The following ARMC9 variants were observed in gnomAD, a reference collection of about 807,000 sequenced individuals.
ARMC9 encodes the protein armadillo repeat containing 9.
Under a neutral mutation model 107.0 loss-of-function variants are expected in ARMC9, and 94 were observed. The ratio of observed to expected loss-of-function variants is 0.88; its 90% CI spans 0.74 to 1.04. ARMC9 has a LOEUF of 1.04. Among genes scored for constraint, ARMC9 ranks in the 50% least tolerant of loss-of-function variants. The probability of loss-of-function intolerance (pLI) is 0.00; values close to 1 mark genes in which losing one functional copy is unlikely to be tolerated. For synonymous variants in ARMC9, 380 were observed against 396.9 expected, an observed-to-expected ratio of 0.96 and a Z score of 0.51; for missense variants, 942 against 1,030.1, an observed-to-expected ratio of 0.91 and a Z score of 1.17.
chr2:231,306,345 T>C (rs2125503063), intron 19 of ARMC9, among the ~76,000 whole-genome samples: 1 of 152,344 alleles, frequency 6.6e-6, no homozygotes, highest in South Asian at 2.1e-4. Flanking sequence ...AAATACCTGA[T>C]ACATAAAGAC....
At chr2:231,301,799 T>G (rs1222030735) in intron 19 of ARMC9, among the ~76,000 whole-genome samples, 1 of 152,084 alleles carries the variant, frequency 6.6e-6, no homozygotes, top group Non-Finnish European at 1.5e-5. Flanking sequence ...GCCAACATGG[T>G]GAAACCCTGT....
At chr2:231,337,476 T>C (rs373487913) in intron 20 of ARMC9, among the ~76,000 whole-genome samples, 2 of 130,512 alleles carry the variant, frequency 1.5e-5, no homozygotes, top group South Asian at 4.7e-4. Context: ...TTTGTTTTTT[T>C]TTTTTTTTTT....
At chr2:231,221,846 A>AAAAG (rs2034166781) in intron 5 of ARMC9, among the ~76,000 whole-genome samples, 1 of 150,834 alleles carries the variant, frequency 6.6e-6, no homozygotes, top group Non-Finnish European at 1.5e-5. Context: ...AAAAAAAAAA[A>AAAAG]AAGAACTTTC....
chr2:231,346,413 C>T (rs941950492), intron 21 of ARMC9, among the ~76,000 whole-genome samples: 2 of 152,006 alleles, frequency 1.3e-5, no homozygotes, highest in South Asian at 2.1e-4. Flanking sequence ...CCCAGCTACT[C>T]GGGAGGCTGA....
At chr2:231,354,561 T>C (rs1226663491) in intron 21 of ARMC9, among the ~76,000 whole-genome samples, 1 of 152,096 alleles carries the variant, frequency 6.6e-6, no homozygotes, top group East Asian at 1.9e-4. Context: ...TTTATATTTT[T>C]AGTAGAGACG....
rs141082324 is a variant in ARMC9, at chr2:231,335,553, G to A, written c.1878+3656G>A. 4.5e-3 allele frequency among the ~76,000 whole-genome samples: 688 copies of A among 152,318 alleles called. 5 individuals are homozygous for A. Among genetic ancestry groups the A allele is most frequent in the African/African-American group, 0.016 (648 of 41,570 alleles). The stretch of plus-strand genomic sequence containing the variant: ...GCTATGCAAAATGCTGAAGAGCACG[G>A]CGATCTCAGAAAGCTAGGGACAGAG... On this transcript the variant is annotated intron_variant, in intron 20 of 24. Transcript: ENST00000611582.
intron 19 of ARMC9, among the ~76,000 whole-genome samples, chr2:231,304,102 C>T (rs1321688908): frequency 2.0e-5 from 3 of 150,776 alleles, no homozygotes; most frequent in Non-Finnish European, 4.4e-5. Context: ...TGGTGGCGCA[C>T]GCCTGTAGTC....
chr2:231,207,941 G>A (rs890564803), intron 2 of ARMC9, among the ~76,000 whole-genome samples, 186 bp from the exon 3 acceptor site: 1 of 152,126 alleles, frequency 6.6e-6, no homozygotes, highest in African/African-American at 2.4e-5. Context: ...CAGGTGTGAG[G>A]TAATTAGGTC....
chr2:231,202,086 A>G (rs1574819476), intron 1 of ARMC9, among the ~76,000 whole-genome samples: 2 of 147,106 alleles, frequency 1.4e-5, no homozygotes, highest in Non-Finnish European at 3.0e-5. Flanking sequence ...TGCAACCTCC[A>G]CTTCCTGGGT....
intron 17 of ARMC9, among the ~76,000 whole-genome samples, chr2:231,284,290 GT>G (rs2040427261): frequency 6.6e-6 from 1 of 152,184 alleles, no homozygotes; most frequent in Non-Finnish European, 1.5e-5. Flanking sequence ...ATCTAGGTTT[GT>G]CACTTACTCT....
intron 9 of ARMC9, 187 bp from the exon 10 acceptor site, chr2:231,256,399 A>G (rs1349611471): frequency 4.1e-6 from 5 of 1,212,970 alleles, no homozygotes; most frequent in Non-Finnish European, 5.9e-6. Flanking sequence ...TTTGTCCGCC[A>G]CACGGAATTG....
intron 19 of ARMC9, among the ~76,000 whole-genome samples, chr2:231,302,473 T>G (rs1293957903): frequency 1.4e-5 from 2 of 144,404 alleles, no homozygotes; most frequent in Admixed American, 6.9e-5. Flanking sequence ...GCCAATCTCT[T>G]TAATGTCTGG....
intron 4 of ARMC9, 79 bp downstream of exon 4, chr2:231,215,080 T>G: frequency 6.7e-7 from 1 of 1,496,614 alleles, no homozygotes; most frequent in South Asian, 1.2e-5. Context: ...CACATGGGCA[T>G]GGATTTCATA....
In ARMC9 at chr2:231,214,831, A is replaced by G; in HGVS notation, c.178A>G (p.Lys60Glu). The G allele has an allele frequency of 6.2e-7, 1 of 1,613,798 alleles. No individual in the cohort carries two copies. The highest frequency in any genetic ancestry group is 8.5e-7 in the Non-Finnish European group (1 of 1,179,810). ...FRDSKSLTIQ[K>E]DLVAAFDNGD... is the part of the protein sequence containing the mutation. ...ATGTAGTCTGATGTCTTCTCCACAG[A>G]AGGATCTTGTCGCTGCATTTGACAA... The change falls in exon 4 of 25, where the codon AAG becomes GAG. Residue 60 changes from lysine to glutamate, a missense_variant and splice_region_variant. By Grantham distance (56) the Lys-to-Glu change is moderately conservative (BLOSUM62 1). Coordinates refer to ENST00000611582, the MANE Select transcript of ARMC9 (RefSeq NM_001352754.2).
At chr2:231,217,701 TTTTG>T (rs1204605353) in intron 5 of ARMC9, among the ~76,000 whole-genome samples, 10 of 152,180 alleles carry the variant, frequency 6.6e-5, no homozygotes, top group African/African-American at 4.8e-5. Context: ...CACACATATG[TTTTG>T]TTTGTTTGTT....
intron 19 of ARMC9, among the ~76,000 whole-genome samples, chr2:231,314,614 T>A (rs186294652): frequency 1.3e-5 from 2 of 152,328 alleles, no homozygotes; most frequent in Admixed American, 1.3e-4. Flanking sequence ...CCTCTGCCCA[T>A]TAGATGCTAG....
At chr2:231,368,225 T>G (rs1038390881) in intron 23 of ARMC9, among the ~76,000 whole-genome samples, 6 of 152,004 alleles carry the variant, frequency 3.9e-5, no homozygotes, top group Admixed American at 2.6e-4. Flanking sequence ...TTTGTATGTG[T>G]GAAAAAAGCA....
intron 7 of ARMC9, among the ~76,000 whole-genome samples, chr2:231,230,300 G>A (rs976914884): frequency 4.6e-5 from 7 of 151,808 alleles, no homozygotes; most frequent in African/African-American, 9.7e-5. Flanking sequence ...GAGTTGCAGC[G>A]AGCTATGATC....
chr2:231,248,460 A>G (rs923533730), intron 9 of ARMC9, among the ~76,000 whole-genome samples: 7 of 152,064 alleles, frequency 4.6e-5, no homozygotes, highest in Non-Finnish European at 8.8e-5. Flanking sequence ...CACCGTTATC[A>G]CCTTAGGGTG....
Sources: allele counts gnomAD v4.1 joint callset (sites outside exome capture counted in the v4.1 genomes callset), GRCh38; gene constraint gnomAD v4.1.1; transcripts MANE v1.5; gene names NCBI Gene and HGNC (gene_info 2026-07-23, HGNC 2026-07-21).